The following PDE5A variants were observed in gnomAD, a reference collection of about 807,000 sequenced individuals.
PDE5A encodes phosphodiesterase 5A, also known as cGMP-specific 3',5'-cyclic phosphodiesterase.
A neutral mutation model predicts 110.2 loss-of-function variants in PDE5A; 67 were observed. The observed-to-expected ratio is 0.61, with a 90% CI of 0.50 to 0.75. PDE5A has a LOEUF of 0.75. Ranked by LOEUF, PDE5A falls within the 30% of genes least tolerant of loss-of-function variation. The probability of loss-of-function intolerance (pLI) is 0.00; values close to 1 mark genes in which losing one functional copy is unlikely to be tolerated. For missense variants in PDE5A, 862 were observed against 1,045.1 expected, an observed-to-expected ratio of 0.82 and a Z score of 2.42; for synonymous variants, 328 against 351.2, an observed-to-expected ratio of 0.93 and a Z score of 0.74.
intron 7 of PDE5A, among the ~76,000 whole-genome samples, chr4:119,556,080 G>T (rs1025912724): frequency 6.6e-6 from 1 of 152,176 alleles, no homozygotes; most frequent in African/African-American, 2.4e-5. Context: ...AATGAATAAT[G>T]TGTTTAAATT....
chr4:119,626,363 T>C (rs1019559816), intron 1 of PDE5A, among the ~76,000 whole-genome samples: 5 of 152,192 alleles, frequency 3.3e-5, no homozygotes, highest in South Asian at 2.1e-4. Context: ...TTCCTATCTA[T>C]GACTAGTCAA....
rs200274828 is a variant in PDE5A, at chr4:119,606,791, C to G, written c.659G>C (p.Cys220Ser). The change falls in exon 2 of 21, where the codon TGT becomes TCT. Residue 220 changes from cysteine (C) to serine (S), a missense_variant. By Grantham distance (112) the Cys-to-Ser change is moderately radical. Coordinates refer to ENST00000354960, the MANE Select transcript of PDE5A (RefSeq NM_001083.4). ...GSTLEEVSNN[C>S]IRLEWNKGIV... ...GCCTTTGTTCCATTCTAAGCGGATA[C>G]AGTTATTTGAAACTTCTTCCAGTGT... 2.1e-5 allele frequency: 34 copies of G among 1,614,042 alleles called. No homozygotes were observed. Among genetic ancestry groups the G allele is most frequent in the Non-Finnish European group, 1.0e-5 (12 of 1,180,044 alleles).
At chr4:119,500,954 T>C in intron 20 of PDE5A, 1 of 508,454 alleles carries the variant, frequency 2.0e-6, no homozygotes, top group East Asian at 3.3e-5. Flanking sequence ...CAAATCAATT[T>C]GTTGGAGATT....
intron 6 of PDE5A, among the ~76,000 whole-genome samples, chr4:119,562,542 T>C (rs1384874392): frequency 2.0e-4 from 30 of 152,102 alleles, no homozygotes; most frequent in Admixed American, 1.9e-3. Context: ...ATGAAGACAG[T>C]GTAGCCATTG....
intron 19 of PDE5A, among the ~76,000 whole-genome samples, chr4:119,502,225 T>C (rs1725371204): frequency 6.6e-6 from 1 of 152,162 alleles, no homozygotes; most frequent in Non-Finnish European, 1.5e-5. Flanking sequence ...TAGTGAACAC[T>C]GCAAATATTA....
At chr4:119,597,821 A>G (rs972312093) in intron 2 of PDE5A, among the ~76,000 whole-genome samples, 1 of 152,140 alleles carries the variant, frequency 6.6e-6, no homozygotes, top group Non-Finnish European at 1.5e-5. Flanking sequence ...GCCAATTTTC[A>G]ACTGAGAGGG....
At chr4:119,566,418 A>G (rs1433032995) in intron 4 of PDE5A, among the ~76,000 whole-genome samples, 2 of 152,222 alleles carry the variant, frequency 1.3e-5, no homozygotes, top group Non-Finnish European at 2.9e-5. Flanking sequence ...TACTTATTCA[A>G]TAGGAAAAAT....
chr4:119,611,739 C>T (rs1050747306), intron 1 of PDE5A, among the ~76,000 whole-genome samples: 3 of 152,162 alleles, frequency 2.0e-5, no homozygotes, highest in Non-Finnish European at 2.9e-5. Flanking sequence ...ATCAACAATC[C>T]GTATTAACCA....
chr4:119,562,750 C>T (rs1727786252), intron 6 of PDE5A, 83 bp downstream of exon 6: 1 of 1,235,742 alleles, frequency 8.1e-7, no homozygotes. Context: ...GGTTCTAAGA[C>T]CAAAATGAGG....
intron 3 of PDE5A, among the ~76,000 whole-genome samples, chr4:119,575,446 G>A (rs377099237): frequency 6.6e-6 from 1 of 152,182 alleles, no homozygotes; most frequent in Non-Finnish European, 1.5e-5. Flanking sequence ...GAAAGGTTGG[G>A]TTACCCACAA....
chr4:119,560,156 A>T, intron 7 of PDE5A, 140 bp downstream of exon 7: 1 of 550,664 alleles, frequency 1.8e-6, no homozygotes, highest in Non-Finnish European at 3.2e-6. Context: ...AGGACGACTT[A>T]GGACCGTAAA....
Position 119,505,894 on chromosome 4 carries a change from T to A in PDE5A, c.2228A>T (p.Gln743Leu), listed in dbSNP as rs534339421. ...GEFFELIRKN[Q>L]FNLEDPHQKE... is the part of the protein sequence containing the mutation. ...TTGATGAGGATCTTCCAAATTGAAT[T>A]GATTTTTTCTTATAAGTTCAAAAAA... is the stretch of plus-strand genomic sequence containing the variant. The change falls in exon 17 of 21, where the codon CAA (glutamine) becomes CTA (leucine). Residue 743 changes from glutamine to leucine, a missense_variant. Transcript: ENST00000354960. 3.7e-5 allele frequency: 58 copies of A among 1,571,728 alleles called. No individual in the cohort carries two copies. In the African/African-American group the frequency reaches 7.3e-4, roughly 20 times the overall value.
chr4:119,592,271 C>T (rs1728998536), intron 3 of PDE5A, among the ~76,000 whole-genome samples: 2 of 148,128 alleles, frequency 1.4e-5, no homozygotes, highest in African/African-American at 2.5e-5. Context: ...CTGGCTAACA[C>T]GGTGAAACCC....
rs993781481 is a variant in PDE5A, at chr4:119,628,436, G to A, written c.152+84C>T. The A allele has an allele frequency of 2.6e-5, 30 of 1,171,620 alleles. No individual in the cohort carries two copies. In the African/African-American group the frequency reaches 4.3e-4, roughly 17 times the overall value. 72.6% of individuals were successfully genotyped at this position (1,171,620 alleles called of 1,614,324 possible). ...CCGAGGACCTACTTCAAAAGCAAAGGGCCTGGGAACAGGGGTGAACGAAGG... is the reference window on the plus strand; with the variant it reads ...CCGAGGACCTACTTCAAAAGCAAAGAGCCTGGGAACAGGGGTGAACGAAGG... On this transcript the variant is annotated intron_variant, in intron 1 of 20. Transcript: ENST00000354960.
chr4:119,548,557 T>C (rs917732871), intron 9 of PDE5A: 4 of 152,216 alleles, frequency 2.6e-5, no homozygotes, highest in African/African-American at 9.6e-5. Flanking sequence ...GTATAAAATG[T>C]GTCTTTACAA....
intron 17 of PDE5A, among the ~76,000 whole-genome samples, chr4:119,505,510 T>C (rs1028081506): frequency 3.9e-5 from 6 of 151,948 alleles, no homozygotes; most frequent in Admixed American, 6.6e-5. Flanking sequence ...ATTTTGCAGC[T>C]ATATCTTACT....
intron 1 of PDE5A, among the ~76,000 whole-genome samples, chr4:119,613,228 T>A (rs943282910): frequency 6.6e-6 from 1 of 152,136 alleles, no homozygotes; most frequent in Non-Finnish European, 1.5e-5. Flanking sequence ...ATTAGCAGAG[T>A]GTCATTACAA....
chr4:119,596,423 A>G, intron 3 of PDE5A, 100 bp downstream of exon 3: 1 of 532,474 alleles, frequency 1.9e-6, no homozygotes, highest in Admixed American at 3.8e-5. Context: ...CTAATTTGTC[A>G]CTAAAGCATT....
At chr4:119,531,022 C>T (rs1726514694) in intron 11 of PDE5A, among the ~76,000 whole-genome samples, 1 of 152,118 alleles carries the variant, frequency 6.6e-6, no homozygotes, top group Non-Finnish European at 1.5e-5. Flanking sequence ...ATTTGATTCT[C>T]TCACTTCCAA....
Sources: allele counts gnomAD v4.1 joint callset (sites outside exome capture counted in the v4.1 genomes callset), GRCh38; gene constraint gnomAD v4.1.1; transcripts MANE v1.5; gene names NCBI Gene and HGNC (gene_info 2026-07-23, HGNC 2026-07-21).